ANKMY1: variants seen among roughly 807,000 people sequenced by gnomAD.
ANKMY1 encodes the protein ankyrin repeat and MYND domain-containing protein 1.
Under a neutral mutation model 102.0 loss-of-function variants are expected in ANKMY1, and 98 were observed. The observed-to-expected ratio is 0.96, with a 90% CI of 0.82 to 1.14. The LOEUF is 1.14. ANKMY1 is among the 50% of genes most tolerant of loss of function. ANKMY1 has a pLI of 0.00. For missense variants in ANKMY1, 1,330 were observed against 1,347.6 expected, an observed-to-expected ratio of 0.99 and a Z score of 0.20; for synonymous variants, 582 against 559.9, an observed-to-expected ratio of 1.04 and a Z score of -0.56.
At chr2:240,560,627 C>T (rs2092895333), upstream of ANKMY1, 1 of 1,409,446 alleles carries the variant, frequency 7.1e-7, no homozygotes, top group East Asian at 2.9e-5. Flanking sequence ...CCTGGGCGGG[C>T]GCCTGAGCCC....
intron 15 of ANKMY1, among the ~76,000 whole-genome samples, chr2:240,498,009 C>T (rs2077491131): frequency 1.3e-5 from 2 of 152,236 alleles, no homozygotes; most frequent in Admixed American, 6.5e-5. Flanking sequence ...TCAGGGGTGT[C>T]ATGCCCAAGG....
chr2:240,538,180 CG>C (rs2087396596), intron 4 of ANKMY1, among the ~76,000 whole-genome samples: 1 of 152,272 alleles, frequency 6.6e-6, no homozygotes, highest in Admixed American at 6.5e-5. Context: ...GCTCCCGCCG[CG>C]CTTGAGGGGC....
the ANKMY1 span, among the ~76,000 whole-genome samples, chr2:240,471,623 A>C: frequency 1.3e-5 from 2 of 152,198 alleles, no homozygotes; most frequent in African/African-American, 4.8e-5. Context: ...AAGTGGAAGT[A>C]ATGTCAGCAA....
chr2:240,526,523 C>G, intron 5 of ANKMY1, 78 bp from the exon 6 acceptor site: 1 of 1,578,394 alleles, frequency 6.3e-7, no homozygotes, highest in East Asian at 2.3e-5. Flanking sequence ...TGGACCACCT[C>G]CCTCCAATGC....
At chr2:240,505,336 C>T (rs1483561867) in intron 13 of ANKMY1, among the ~76,000 whole-genome samples, 2 of 151,900 alleles carry the variant, frequency 1.3e-5, no homozygotes, top group African/African-American at 2.4e-5. Flanking sequence ...GTGGCGCACA[C>T]CTGTAATCCC....
rs1189348126 is a variant in ANKMY1, at chr2:240,511,867, G to A, written c.2280C>T (p.Asp760=). Residue 760 remains aspartate, a synonymous_variant, in exon 11 of 18, where the codon GAC becomes GAT. Coordinates refer to ENST00000401804, the MANE Select transcript of ANKMY1 (RefSeq NM_001282771.3). ...AGGCCCTGGCTGCCCTCACCTTGTT[G>A]TCATCCTCCCGCTCGCAGGCCATGT... ...ALHMACERED[D]NKCARDIVRL... The A allele has an allele frequency of 6.3e-7, 1 of 1,587,898 alleles. No individual in the cohort carries two copies. The highest frequency in any genetic ancestry group is 1.7e-5 in the Admixed American group (1 of 58,528).
At chr2:240,540,384 G>C (rs1337875848) in intron 4 of ANKMY1, among the ~76,000 whole-genome samples, 3 of 152,164 alleles carry the variant, frequency 2.0e-5, no homozygotes, top group Admixed American at 6.5e-5. Flanking sequence ...ACAGTTTTTA[G>C]GATAAACACA....
chr2:240,512,741 A>C, intron 10 of ANKMY1, 61 bp downstream of exon 10: 1 of 1,547,092 alleles, frequency 6.5e-7, no homozygotes, highest in Non-Finnish European at 8.8e-7. Flanking sequence ...AGAGTGTGTG[A>C]ATCCATCCAG....
intron 2 of ANKMY1, among the ~76,000 whole-genome samples, chr2:240,556,412 G>A (rs558609044): frequency 1.3e-5 from 2 of 152,304 alleles, no homozygotes; most frequent in South Asian, 4.1e-4. Context: ...AGACATGCAG[G>A]CTCCTAGCTA....
chr2:240,521,955 T>A (rs13394744), intron 8 of ANKMY1: 27,147 of 152,184 alleles, frequency 0.18, 2,543 homozygotes, highest in South Asian at 0.29. Flanking sequence ...CAGCAAGATT[T>A]ATTGTGAAGA....
chr2:240,556,663 C>G (rs191815950), intron 2 of ANKMY1, among the ~76,000 whole-genome samples: 193 of 152,312 alleles, frequency 1.3e-3, no homozygotes, highest in African/African-American at 4.4e-3. Flanking sequence ...CCCCACCTTT[C>G]AATTCTTAAC....
chr2:240,521,491 CTTTTTTT>C (rs1162330484), intron 8 of ANKMY1, among the ~76,000 whole-genome samples: 7 of 69,588 alleles, frequency 1.0e-4, no homozygotes, highest in Non-Finnish European at 1.6e-4. Flanking sequence ...GGTGTTACAG[CTTTTTTT>C]TTTTTTTTTT....
Position 240,521,357 on chromosome 2 carries a change from G to A in ANKMY1, c.1833-824C>T, listed in dbSNP as rs189540813. On this transcript the variant is annotated intron_variant, in intron 8 of 17. Coordinates refer to ENST00000401804, the MANE Select transcript of ANKMY1 (RefSeq NM_001282771.3). ...CCCAGGGAGCTGCGTTGACGTGGGT[G>A]CTGGCTCTCCTTGTCTGCCGCTACC... Among the ~76,000 whole-genome samples the A allele has an allele frequency of 4.2e-3, 644 of 152,300 alleles. 7 individuals are homozygous for A. Among genetic ancestry groups the A allele is most frequent in the African/African-American group, 0.015 (619 of 41,550 alleles).
Position 240,529,414 on chromosome 2 carries a change from G to C in ANKMY1, c.576C>G (p.Ile192Met). ...CACTGGGGATCTGGGTGCACAGCTT[G>C]ATGAGCTGCTCTCGGAACCACAGCC... is the stretch of plus-strand genomic sequence containing the variant. ...DVGLWFREQLIKLCTQIPSGF... is the reference protein window; with the variant it reads ...DVGLWFREQLMKLCTQIPSGF... Residue 192 changes from isoleucine to methionine, a missense_variant, in exon 5 of 18, where the codon ATC (isoleucine) becomes ATG (methionine). Physicochemically the swap from Ile to Met is conservative, Grantham distance 10. Coordinates refer to ENST00000401804, the MANE Select transcript of ANKMY1 (RefSeq NM_001282771.3). This position sits in a 1 kb window ranked among gnomAD's most constrained non-coding sequence, Gnocchi z 4.2. 1 of 1,614,128 alleles carries C rather than the reference G, an allele frequency of 6.2e-7. No homozygotes were observed. The highest frequency in any genetic ancestry group is 8.5e-7 in the Non-Finnish European group (1 of 1,180,028).
chr2:240,504,243 C>A (rs2078690066), intron 13 of ANKMY1, among the ~76,000 whole-genome samples: 2 of 152,328 alleles, frequency 1.3e-5, no homozygotes, highest in East Asian at 1.9e-4. Flanking sequence ...TTTATGTATA[C>A]CCCCAAGCCA....
At chr2:240,530,465 C>T (rs182336653) in intron 4 of ANKMY1, among the ~76,000 whole-genome samples, 11 of 152,274 alleles carry the variant, frequency 7.2e-5, no homozygotes, top group Admixed American at 5.9e-4. Flanking sequence ...ACCTCCTCCC[C>T]CACTTGCTCC....
At chr2:240,502,008 A>G (rs2078272126) in intron 13 of ANKMY1, among the ~76,000 whole-genome samples, 1 of 152,180 alleles carries the variant, frequency 6.6e-6, no homozygotes, top group African/African-American at 2.4e-5. Flanking sequence ...CATCCCTCCG[A>G]GGCCCCACCA....
At chr2:240,507,365 G>GC (rs1318472322) in intron 13 of ANKMY1, among the ~76,000 whole-genome samples, 195 bp downstream of exon 13, 2 of 35,572 alleles carry the variant, frequency 5.6e-5, no homozygotes, top group South Asian at 1.5e-3. Context: ...CCAACCTCCC[G>GC]CCCCCCCTCA....
At chr2:240,524,983 G>A (rs1202436511) in intron 7 of ANKMY1, among the ~76,000 whole-genome samples, 9 of 152,178 alleles carry the variant, frequency 5.9e-5, no homozygotes, top group Non-Finnish European at 1.2e-4. Context: ...CATAGAAATC[G>A]ACTCTTCTGT....
Sources: gnomAD v4.1 joint callset for allele counts (sites outside exome capture counted in the v4.1 genomes callset) on GRCh38, gnomAD v4.1.1 for gene constraint, Gnocchi (gnomAD v3.1) non-coding constraint, MANE v1.5 for transcripts, NCBI Gene and HGNC (gene_info 2026-07-23, HGNC 2026-07-21) for gene names.